Variants in REPS2 observed in about 807,000 individuals in gnomAD.
REPS2 encodes ralBP1-associated Eps domain-containing protein 2.
In REPS2, 23 loss-of-function variants were observed where a neutral mutation model predicts 53.6. That is an observed-to-expected ratio of 0.43 (90% CI 0.31 to 0.61). The LOEUF is 0.61. Among genes scored for constraint, REPS2 ranks in the 20% least tolerant of loss-of-function variants. The pLI, the probability that REPS2 is intolerant of heterozygous loss-of-function variation, is 0.11. For missense variants in REPS2, 446 were observed against 534.9 expected (o/e 0.83, Z 1.64); for synonymous variants, 238 against 218.6 (o/e 1.09, Z -0.78).
At chrX:17,093,200 A>ATATATATATATATATATATATATATAT (rs61196590) in intron 13 of REPS2, among the ~76,000 whole-genome samples, 8 of 15,634 alleles carry the variant, frequency 5.1e-4, no homozygotes, top group South Asian at 5.6e-3. Flanking sequence ...ATATATATAT[A>ATATATATATATATATATATATATATAT]ATTTTTTTTT....
chrX:17,192,349 C>G, the REPS2 span, among the ~76,000 whole-genome samples: 1 of 112,466 alleles, frequency 8.9e-6, no homozygotes, highest in Non-Finnish European at 1.9e-5. Context: ...GGAAAAGTCT[C>G]TGGAGGCATG....
chrX:17,116,812 A>G (rs1428322355), intron 14 of REPS2, among the ~76,000 whole-genome samples: 2 of 111,301 alleles, frequency 1.8e-5, no homozygotes, highest in Non-Finnish European at 3.8e-5. Context: ...AACTTGTTCT[A>G]TTTTTGTTTT....
At chrX:17,137,421 T>G (rs1313878964) in intron 16 of REPS2, 2 of 112,185 alleles carry the variant, frequency 1.8e-5, no homozygotes, top group Non-Finnish European at 3.8e-5. Flanking sequence ...TTTGTTTATC[T>G]TCTTTGGAGA....
chrX:17,073,691 G>C (rs1340140103), intron 11 of REPS2, among the ~76,000 whole-genome samples: 1 of 107,137 alleles, frequency 9.3e-6, no homozygotes, highest in Non-Finnish European at 1.9e-5. Flanking sequence ...TTTTTAAAAC[G>C]TGTAGTTAGA....
Position 17,044,673 on chromosome X carries a change from C to T in REPS2, c.772-2674C>T, listed in dbSNP as rs184279953. On this transcript the variant is annotated intron_variant, in intron 5 of 17. Coordinates refer to ENST00000357277, the MANE Select transcript of REPS2 (RefSeq NM_004726.3). ...CATGCCTGGCTTTTAGGTTCCTTTG[C>T]TCCAGCTCTTTCTGTCAGGGCTGAC... Among the ~76,000 whole-genome samples, 560 of 111,687 alleles carry T rather than the reference C, an allele frequency of 5.0e-3. 5 individuals are homozygous for T. Among genetic ancestry groups the T allele is most frequent in the African/African-American group, 0.017 (515 of 30,643 alleles).
intron 6 of REPS2, among the ~76,000 whole-genome samples, chrX:17,048,705 C>T (rs2061940515): frequency 9.0e-6 from 1 of 111,702 alleles, no homozygotes; most frequent in Non-Finnish European, 1.9e-5. Context: ...CATTAATCAC[C>T]TAGTGATGCT....
chrX:17,191,925 T>A, the REPS2 span, among the ~76,000 whole-genome samples: 4 of 112,158 alleles, frequency 3.6e-5, no homozygotes, highest in African/African-American at 1.3e-4. Flanking sequence ...AATTTTTTGG[T>A]GTGATAGAAC....
intron 2 of REPS2, among the ~76,000 whole-genome samples, chrX:17,014,207 G>C (rs1177256207): frequency 8.9e-6 from 1 of 111,765 alleles, no homozygotes; most frequent in African/African-American, 3.3e-5. Context: ...TATAGAGGAG[G>C]TAAGTTGGAA....
chrX:17,133,936 T>C (rs769691229), intron 15 of REPS2, 29 bp downstream of exon 15: 1 of 1,107,964 alleles, frequency 9.0e-7, no homozygotes. Flanking sequence ...TGCTGTCAGA[T>C]GGCGTTGCGA....
rs748555071 is a variant in REPS2, at chrX:17,138,844, G to A, written c.1809-12G>A. Reference sequence around the variant, plus strand: ...AGTCCTTTTTCACTGAAGTGTTTGTGCTTTTCTATAGGCAGTCTTCCAAAC... The same window carrying A: ...AGTCCTTTTTCACTGAAGTGTTTGTACTTTTCTATAGGCAGTCTTCCAAAC... On this transcript the variant is annotated splice_polypyrimidine_tract_variant and intron_variant, in intron 16 of 17. Transcript: ENST00000357277. The A allele has an allele frequency of 1.7e-6, 2 of 1,152,971 alleles. No individual in the cohort carries two copies. The highest frequency in any genetic ancestry group is 2.3e-6 in the Non-Finnish European group (2 of 854,130).
chrX:17,073,593 T>C (rs2062338360), intron 11 of REPS2, among the ~76,000 whole-genome samples: 1 of 111,441 alleles, frequency 9.0e-6, no homozygotes, highest in African/African-American at 3.3e-5. Flanking sequence ...GATATTTTCT[T>C]ACAGGAGAAG....
intron 13 of REPS2, among the ~76,000 whole-genome samples, chrX:17,087,846 C>T (rs368597670): frequency 3.6e-5 from 4 of 110,124 alleles, no homozygotes; most frequent in African/African-American, 9.9e-5. Context: ...TAGGCTTGAG[C>T]CTGGGAGGTG....
chrX:16,961,994 G>A (rs1330454928), intron 1 of REPS2, among the ~76,000 whole-genome samples: 3 of 111,489 alleles, frequency 2.7e-5, no homozygotes, highest in Admixed American at 1.9e-4. Context: ...GATAACAAAC[G>A]TTAGGGTGTG....
chrX:16,970,499 G>C (rs2060875162), intron 1 of REPS2, among the ~76,000 whole-genome samples: 1 of 112,275 alleles, frequency 8.9e-6, no homozygotes, highest in African/African-American at 3.2e-5. Context: ...TGCCTGGCCT[G>C]TTTTCCCACT....
chrX:16,977,090 G>A (rs1168152901), intron 1 of REPS2, among the ~76,000 whole-genome samples: 1 of 111,692 alleles, frequency 9.0e-6, no homozygotes, highest in African/African-American at 3.3e-5. Flanking sequence ...CATACAGTTG[G>A]GAAGACTTCC....
chrX:17,156,510 A>G (rs1292104796), downstream of REPS2, among the ~76,000 whole-genome samples: 1 of 111,013 alleles, frequency 9.0e-6, no homozygotes, highest in Non-Finnish European at 1.9e-5. Context: ...GTATTTTATC[A>G]TTGACATTGT....
At position 17,120,628 on chromosome X, in the gene REPS2, A is replaced by G. The variant is rs139577022; in HGVS notation, c.1579-13196A>G. 3.5e-3 allele frequency among the ~76,000 whole-genome samples: 391 copies of G among 111,620 alleles called. 2 individuals carry two copies. Among genetic ancestry groups the G allele is most frequent in the African/African-American group, 0.012 (354 of 30,754 alleles). On this transcript the variant is annotated intron_variant, in intron 14 of 17. Transcript: ENST00000357277. ...CAGAACAGACTCCAGATAGCTAGAAATTAGTTGCAACCAGCCCAGAATGAG... is the reference window on the plus strand; with the variant it reads ...CAGAACAGACTCCAGATAGCTAGAAGTTAGTTGCAACCAGCCCAGAATGAG...
chrX:16,968,419 C>T (rs1463594595), intron 1 of REPS2, among the ~76,000 whole-genome samples: 8 of 109,936 alleles, frequency 7.3e-5, no homozygotes, highest in African/African-American at 2.3e-4. Flanking sequence ...TAGGGGCGGC[C>T]GGGCAGAGGC....
chrX:17,035,804 A>G (rs772959764), intron 5 of REPS2, among the ~76,000 whole-genome samples: 49 of 111,592 alleles, frequency 4.4e-4, no homozygotes, highest in Non-Finnish European at 8.1e-4. Flanking sequence ...GTATATGAAT[A>G]TCTTTTTTAT....
Sources: allele counts gnomAD v4.1 joint callset (sites outside exome capture counted in the v4.1 genomes callset), GRCh38; gene constraint gnomAD v4.1.1; transcripts MANE v1.5; gene names NCBI Gene and HGNC (gene_info 2026-07-23, HGNC 2026-07-21).